Variants in SEMA6D observed in about 807,000 individuals in gnomAD.
SEMA6D encodes semaphorin 6D.
SEMA6D carries 35 observed loss-of-function variants against 106.6 expected under a neutral mutation model. The ratio of observed to expected loss-of-function variants is 0.33; its 90% CI spans 0.25 to 0.44. The LOEUF (loss-of-function observed/expected upper bound fraction) is 0.44. SEMA6D is among the 20% of genes least tolerant of loss of function. SEMA6D has a pLI of 1.00. For synonymous variants in SEMA6D, 499 were observed against 487.7 expected (o/e 1.02, Z -0.31); for missense variants, 1,185 against 1,345.9 (o/e 0.88, Z 1.87).
At chr15:47,630,863 T>G (rs2077281564) in intron 4 of SEMA6D, among the ~76,000 whole-genome samples, 1 of 151,956 alleles carries the variant, frequency 6.6e-6, no homozygotes, top group Non-Finnish European at 1.5e-5. Flanking sequence ...TCGTGTGATT[T>G]TTTCTTTTTT....
intron 1 of SEMA6D, among the ~76,000 whole-genome samples, chr15:47,263,968 G>A (rs1402641205): frequency 6.6e-6 from 1 of 151,148 alleles, no homozygotes; most frequent in Non-Finnish European, 1.5e-5. Flanking sequence ...ATGACAAATT[G>A]GATAAAGAAT....
At chr15:47,258,805 G>A (rs765065214) in intron 1 of SEMA6D, among the ~76,000 whole-genome samples, 5 of 151,880 alleles carry the variant, frequency 3.3e-5, no homozygotes, top group Non-Finnish European at 7.4e-5. Context: ...ATAACACTTG[G>A]CTCTGTTTCT....
At chr15:47,524,636 G>A (rs933499485) in intron 3 of SEMA6D, among the ~76,000 whole-genome samples, 18 of 152,116 alleles carry the variant, frequency 1.2e-4, no homozygotes, top group African/African-American at 1.2e-4. Flanking sequence ...GTGTGATCTC[G>A]TTAGAGGGAG....
intron 4 of SEMA6D, among the ~76,000 whole-genome samples, chr15:47,659,469 G>GT (rs2077872668): frequency 6.6e-6 from 1 of 151,614 alleles, no homozygotes; most frequent in Admixed American, 6.6e-5. Context: ...TGAATCAAAT[G>GT]TTAAAAAAAA....
chr15:47,759,996 A>T lies in SEMA6D; in HGVS notation c.109+89A>T. The T allele has an allele frequency of 3.0e-6, 3 of 1,008,436 alleles. No homozygotes were observed. The South Asian group carries it at 4.2e-5, about 14-fold the overall frequency. 62.5% of individuals were successfully genotyped at this position (1,008,436 alleles called of 1,614,324 possible). ...AGCATGTTCATTTTCAGAAAGAGGC[A>T]GAGATTTTTTATGTCTTAACCTTGA... is the stretch of plus-strand genomic sequence containing the variant. On this transcript the variant is annotated intron_variant, in intron 2 of 18. Transcript: ENST00000536845.
intron 1 of SEMA6D, among the ~76,000 whole-genome samples, chr15:47,394,924 G>A (rs2040161663): frequency 1.3e-5 from 2 of 151,648 alleles, no homozygotes; most frequent in South Asian, 4.2e-4. Flanking sequence ...GAAGAATAGG[G>A]TAATTCTTCA....
intron 1 of SEMA6D, among the ~76,000 whole-genome samples, chr15:47,331,556 A>G (rs1235299608): frequency 1.3e-5 from 2 of 152,178 alleles, no homozygotes; most frequent in Admixed American, 6.5e-5. Context: ...GTGTTATATC[A>G]TTTTTTCAAA....
intron 3 of SEMA6D, among the ~76,000 whole-genome samples, chr15:47,574,470 A>C (rs377466407): frequency 6.6e-6 from 1 of 151,932 alleles, no homozygotes; most frequent in South Asian, 2.1e-4. Context: ...AATTGAAACA[A>C]CTCTATTACT....
chr15:47,538,233 G>A (rs2045237262), intron 3 of SEMA6D, among the ~76,000 whole-genome samples: 1 of 152,144 alleles, frequency 6.6e-6, no homozygotes, highest in African/African-American at 2.4e-5. Flanking sequence ...ACAGTCAGTT[G>A]TTCAAATTTC....
chr15:47,314,380 C>T (rs1320186381), intron 1 of SEMA6D, among the ~76,000 whole-genome samples: 2 of 151,332 alleles, frequency 1.3e-5, no homozygotes, highest in Non-Finnish European at 1.5e-5. Flanking sequence ...GGGCGGATCA[C>T]GAGGTCAGGA....
At chr15:47,311,986 A>T (rs2036466332) in intron 1 of SEMA6D, among the ~76,000 whole-genome samples, 1 of 152,062 alleles carries the variant, frequency 6.6e-6, no homozygotes, top group African/African-American at 2.4e-5. Context: ...CCAGTATAGC[A>T]CCTTACTGGT....
chr15:47,763,912 G>A lies in SEMA6D; in HGVS notation c.810G>A (p.Leu270=), dbSNP rs1233537295. The change falls in exon 10 of 19, where the codon CTG becomes CTA. Residue 270 remains leucine, a synonymous_variant. Transcript: ENST00000536845. ...KNDMGGSQRV[L]EKHWTSFLKA... Reference sequence around the variant, plus strand: ...ACATGGGTGGTTCCCAGCGGGTCCTGGAGAAACACTGGACTTCATTTCTAA... The same window carrying A: ...ACATGGGTGGTTCCCAGCGGGTCCTAGAGAAACACTGGACTTCATTTCTAA... The A allele has an allele frequency of 5.0e-6, 8 of 1,613,814 alleles. 1 individual carries two copies. The Middle Eastern group carries it at 8.3e-4, about 167-fold the overall frequency.
intron 1 of SEMA6D, among the ~76,000 whole-genome samples, chr15:47,316,102 C>CCTTTTTTTTTTTTTTTTTTTTTT (rs374144294): frequency 1.2e-5 from 1 of 81,484 alleles, no homozygotes; most frequent in Non-Finnish European, 2.1e-5. Flanking sequence ...CATTTATTTC[C>CCTTTTTTTTTTTTTTTTTTTTTT]TTTTTTTTGA....
At chr15:47,544,347 A>G (rs1238064232) in intron 3 of SEMA6D, among the ~76,000 whole-genome samples, 2 of 152,118 alleles carry the variant, frequency 1.3e-5, no homozygotes, top group Non-Finnish European at 2.9e-5. Flanking sequence ...TCTTGTTAGA[A>G]TGTGAATAAC....
intron 3 of SEMA6D, among the ~76,000 whole-genome samples, chr15:47,488,476 G>GA (rs66995768): frequency 0.11 from 16,798 of 146,542 alleles, 1,305 homozygotes; most frequent in African/African-American, 0.23. Context: ...TCTCATTTTT[G>GA]AAAAAAAAAA....
rs1371148224 is a variant in SEMA6D at position 47,367,666 on chromosome 15, A to ATG, written c.-238-44727_-238-44726insTG. ...TGAGTATTCTCCCCTTCCCCTAAACACGCACGCTCACACGCGCGCGCGCGC... is the reference window on the plus strand; with the variant it reads ...TGAGTATTCTCCCCTTCCCCTAAACATGCGCACGCTCACACGCGCGCGCGCGC... On this transcript the variant is annotated intron_variant, in intron 1 of 19. Coordinates refer to the SEMA6D transcript ENST00000558014. 2.0e-5 allele frequency among the ~76,000 whole-genome samples: 3 copies of ATG among 148,072 alleles called. No homozygotes were observed. The Admixed American group carries it at 2.0e-4, about 10-fold the overall frequency.
intron 3 of SEMA6D, among the ~76,000 whole-genome samples, chr15:47,471,361 C>T (rs192861473): frequency 1.4e-3 from 208 of 152,248 alleles, no homozygotes; most frequent in Non-Finnish European, 2.4e-3. Context: ...CTCCCACTTT[C>T]CCCCCCAGAA....
Position 47,390,402 on chromosome 15 carries a change from A to C in SEMA6D, c.-238-21991A>C, listed in dbSNP as rs1352382006. Among the ~76,000 whole-genome samples the C allele has an allele frequency of 2.0e-5, 3 of 152,198 alleles. No individual in the cohort carries two copies. The East Asian group carries it at 5.8e-4, about 29-fold the overall frequency. On this transcript the variant is annotated intron_variant, in intron 1 of 19. Transcript: ENST00000558014. ...AGCAAAGTGTACTCAGCCACCATGA[A>C]ACCAAAACAAGTCACATGGCCAGGT...
At chr15:47,187,481 G>A (rs1893662038) in intron 1 of SEMA6D, among the ~76,000 whole-genome samples, 1 of 152,078 alleles carries the variant, frequency 6.6e-6, no homozygotes, top group African/African-American at 2.4e-5. Flanking sequence ...TAGCCTGTTT[G>A]TTGAGATTAA....
Sources: gnomAD v4.1 joint callset for allele counts (sites outside exome capture counted in the v4.1 genomes callset) on GRCh38, gnomAD v4.1.1 for gene constraint, MANE v1.5 for transcripts, NCBI Gene and HGNC (gene_info 2026-07-23, HGNC 2026-07-21) for gene names.